The following HCN1 variants were observed in gnomAD, a reference collection of about 807,000 sequenced individuals.
HCN1 encodes potassium/sodium hyperpolarization-activated cyclic nucleotide-gated channel 1.
Under a neutral mutation model 78.9 loss-of-function variants are expected in HCN1, and 13 were observed. The ratio of observed to expected loss-of-function variants is 0.16; its 90% CI spans 0.11 to 0.26. The LOEUF is 0.26. Ranked by LOEUF, HCN1 falls within the 10% of genes least tolerant of loss-of-function variation. The pLI is 1.00. For missense variants in HCN1, 810 were observed against 1,154.3 expected (o/e 0.70, Z 4.32); for synonymous variants, 552 against 455.5 (o/e 1.21, Z -2.70).
chr5:45,696,107 G>T lies in HCN1; in HGVS notation c.-14C>A. Reference sequence around the variant, plus strand: ...GCCTCCTTCCATGCCCGGAGGACGCGGCCGGCGACGGCGCGGGCTCCAGAC... The same window carrying T: ...GCCTCCTTCCATGCCCGGAGGACGCTGCCGGCGACGGCGCGGGCTCCAGAC... On this transcript the variant is annotated 5_prime_UTR_variant, in exon 1 of 8. Transcript: ENST00000303230. The T allele has an allele frequency of 3.0e-6, 4 of 1,325,778 alleles. No homozygotes were observed. The highest frequency in any genetic ancestry group is 4.0e-5 in the East Asian group (1 of 24,782). The allele number at this position is 1,325,778 out of a possible 1,614,324, so 82.1% of individuals were successfully genotyped here. A position where few individuals can be genotyped will look rare whatever the true frequency, so the allele number is the denominator to read the frequency against.
At chr5:45,320,543 T>C (rs961195570) in intron 5 of HCN1, among the ~76,000 whole-genome samples, 5 of 151,806 alleles carry the variant, frequency 3.3e-5, no homozygotes, top group African/African-American at 4.8e-5. Context: ...ATTTTGTAGA[T>C]GTTATATAGT....
intron 1 of HCN1, among the ~76,000 whole-genome samples, chr5:45,685,289 A>G (rs1352821867): frequency 6.6e-6 from 1 of 152,210 alleles, no homozygotes; most frequent in Non-Finnish European, 1.5e-5. Flanking sequence ...AGATGAACAG[A>G]AAGTAGCACA....
chr5:45,500,151 T>A (rs941699129), intron 2 of HCN1, among the ~76,000 whole-genome samples: 2 of 152,110 alleles, frequency 1.3e-5, no homozygotes, highest in Non-Finnish European at 1.5e-5. Context: ...ACTGGTGACA[T>A]TTAAAGAATT....
At position 45,262,012 on chromosome 5, in the gene HCN1, G is replaced by C; in HGVS notation, c.2582C>G (p.Pro861Arg). The part of the protein sequence containing the change: ...PPNRGVPPAP[P>R]PPAAALPRES... The stretch of plus-strand genomic sequence containing the variant: ...TCTTGGAAGAGCAGCTGCTGGTGGA[G>C]GGGGTGCTGGAGGGACTCCTCGGTT... The change falls in exon 8 of 8, where the codon CCT (proline) becomes CGT (arginine). Residue 861 changes from proline (P) to arginine (R), a missense_variant. Physicochemically the swap from Pro to Arg is moderately radical, Grantham distance 103. This residue lies in a region of HCN1 where 398 missense variants were observed against 381.3 expected (regional missense o/e 1.04). Coordinates refer to ENST00000303230, the MANE Select transcript of HCN1 (RefSeq NM_021072.4). The C allele has an allele frequency of 6.2e-7, 1 of 1,614,154 alleles. No individual in the cohort carries two copies. Among genetic ancestry groups the C allele is most frequent in the African/African-American group, 1.3e-5 (1 of 75,056 alleles).
intron 4 of HCN1, among the ~76,000 whole-genome samples, chr5:45,375,775 ATATATAATATAATATTTTATGATATAT>A (rs1747623625): frequency 9.6e-6 from 1 of 103,916 alleles, no homozygotes; most frequent in Non-Finnish European, 1.8e-5. Context: ...GATATATCTT[ATATATAATATAATATTTTATGATATAT>A]CTTATATATA....
At chr5:45,509,472 GGT>G (rs781092284) in intron 2 of HCN1, among the ~76,000 whole-genome samples, 16 of 152,276 alleles carry the variant, frequency 1.1e-4, no homozygotes, top group Non-Finnish European at 2.4e-4. Flanking sequence ...GCATGCTGCA[GGT>G]TGAGCATGAA....
At chr5:45,599,021 C>G (rs1048706550) in intron 2 of HCN1, among the ~76,000 whole-genome samples, 5 of 152,154 alleles carry the variant, frequency 3.3e-5, no homozygotes, top group Admixed American at 2.6e-4. Flanking sequence ...CCTCAAGGAT[C>G]TAGAACTAGA....
chr5:45,691,080 G>C (rs570883298), intron 1 of HCN1, among the ~76,000 whole-genome samples: 115 of 152,102 alleles, frequency 7.6e-4, no homozygotes, highest in African/African-American at 2.6e-3. Flanking sequence ...CTTGCTTTGT[G>C]GTGGTGATGT....
In HCN1 at chr5:45,517,536, A is replaced by AC. The variant is rs1561185540; in HGVS notation, c.850-55530_850-55529insG. ...ATTTCCCCTTAAAAAAAAAAAAAAA[A>AC]AAAAAAAACATGATTTCACTGGGGT... On this transcript the variant is annotated intron_variant, in intron 2 of 7. Transcript: ENST00000303230. Among the ~76,000 whole-genome samples the AC allele has an allele frequency of 6.6e-5, 10 of 150,778 alleles. No homozygotes were observed. In the South Asian group the frequency reaches 1.9e-3, roughly 28 times the overall value.
intron 2 of HCN1, among the ~76,000 whole-genome samples, chr5:45,548,406 A>T (rs567962278): frequency 1.3e-5 from 2 of 152,072 alleles, no homozygotes; most frequent in East Asian, 3.9e-4. Context: ...CTTTGTGTGA[A>T]TAAAGAGAAA....
intron 3 of HCN1, among the ~76,000 whole-genome samples, chr5:45,424,004 G>A (rs151306476): frequency 4.6e-5 from 7 of 151,850 alleles, no homozygotes; most frequent in Admixed American, 3.9e-4. Context: ...AGTTGGGCAC[G>A]GTGGCTCATG....
At chr5:45,305,453 A>G (rs1434675879) in intron 5 of HCN1, among the ~76,000 whole-genome samples, 1 of 152,132 alleles carries the variant, frequency 6.6e-6, no homozygotes, top group Admixed American at 6.6e-5. Flanking sequence ...CAGAAAGTGA[A>G]CCTAGCAGCA....
intron 1 of HCN1, among the ~76,000 whole-genome samples, chr5:45,690,865 A>C (rs1422083384): frequency 6.6e-6 from 1 of 152,064 alleles, no homozygotes; most frequent in African/African-American, 2.4e-5. Flanking sequence ...TGTACTTACA[A>C]GAGACTCTAT....
intron 1 of HCN1, among the ~76,000 whole-genome samples, chr5:45,672,620 CTG>C (rs1349858679): frequency 1.3e-5 from 2 of 149,038 alleles, no homozygotes; most frequent in African/African-American, 4.9e-5. Flanking sequence ...TGCTTGTTGT[CTG>C]TGTTTGAAAC....
At chr5:45,276,001 T>C (rs1745049645) in intron 6 of HCN1, among the ~76,000 whole-genome samples, 1 of 152,114 alleles carries the variant, frequency 6.6e-6, no homozygotes. Context: ...GATTTTTGGC[T>C]CTTAGGTACC....
At chr5:45,371,751 C>A (rs1012481607) in intron 4 of HCN1, among the ~76,000 whole-genome samples, 3 of 139,978 alleles carry the variant, frequency 2.1e-5, no homozygotes, top group Non-Finnish European at 3.0e-5. Flanking sequence ...TGAGAGACTC[C>A]ATCTCAAAAA....
chr5:45,417,790 C>T (rs1393102837), intron 3 of HCN1, among the ~76,000 whole-genome samples: 1 of 144,210 alleles, frequency 6.9e-6, no homozygotes, highest in African/African-American at 2.6e-5. Context: ...AGGTCACGCT[C>T]AAGGTGTATG....
chr5:45,320,194 G>C (rs1428118483), intron 5 of HCN1, among the ~76,000 whole-genome samples: 1 of 151,706 alleles, frequency 6.6e-6, no homozygotes, highest in Admixed American at 6.6e-5. Context: ...TCCCTACCTG[G>C]AGATTTCTAT....
intron 6 of HCN1, among the ~76,000 whole-genome samples, chr5:45,296,864 C>T (rs551964841): frequency 3.9e-5 from 6 of 152,060 alleles, no homozygotes; most frequent in Non-Finnish European, 7.4e-5. Flanking sequence ...GGAGCAATTC[C>T]TGGAAAGTAC....
Sources: gnomAD v4.1 joint callset for allele counts (sites outside exome capture counted in the v4.1 genomes callset) on GRCh38, gnomAD v4.1.1 for gene constraint, gnomAD v4.1.1 regional missense constraint, MANE v1.5 for transcripts, NCBI Gene and HGNC (gene_info 2026-07-23, HGNC 2026-07-21) for gene names.